Variants in EYS observed in about 807,000 individuals in gnomAD.
EYS encodes protein eyes shut homolog.
In EYS, 250 loss-of-function variants were observed where a neutral mutation model predicts 282.1. The ratio of observed to expected loss-of-function variants is 0.89; its 90% CI spans 0.80 to 0.98. EYS has a LOEUF of 0.98. Ranked by LOEUF, EYS falls within the 50% of genes least tolerant of loss-of-function variation. EYS has a pLI of 0.00. For synonymous variants in EYS, 1,355 were observed against 1,282.9 expected (o/e 1.06, Z -1.20); for missense variants, 4,016 against 3,709.0 (o/e 1.08, Z -2.15).
intron 12 of EYS, among the ~76,000 whole-genome samples, chr6:65,258,365 A>T (rs1195831754): frequency 4.6e-5 from 7 of 152,058 alleles, no homozygotes; most frequent in African/African-American, 1.2e-4. Flanking sequence ...TTTCCCTGTG[A>T]TATAGGTAAT....
intron 22 of EYS, among the ~76,000 whole-genome samples, chr6:64,715,505 G>A (rs1771358858): frequency 6.6e-6 from 1 of 152,214 alleles, no homozygotes; most frequent in South Asian, 2.1e-4. Flanking sequence ...GTGATCTCAA[G>A]AGGGTGATCC....
chr6:64,803,452 G>T (rs1409683772), intron 22 of EYS, among the ~76,000 whole-genome samples: 1 of 152,104 alleles, frequency 6.6e-6, no homozygotes, highest in Admixed American at 6.5e-5. Flanking sequence ...TCTGGAAAAA[G>T]CACCATGAGT....
intron 35 of EYS, among the ~76,000 whole-genome samples, chr6:63,899,686 A>C (rs149453058): frequency 6.6e-6 from 1 of 152,096 alleles, no homozygotes; most frequent in Non-Finnish European, 1.5e-5. Context: ...TCCAGGTAAC[A>C]TTTCTTTCTC....
At chr6:63,815,798 A>G (rs1771163559) in intron 36 of EYS, among the ~76,000 whole-genome samples, 1 of 152,224 alleles carries the variant, frequency 6.6e-6, no homozygotes, top group East Asian at 1.9e-4. Context: ...AGACACAGGC[A>G]CACACATGCA....
chr6:64,890,486 C>T (rs1205681898), intron 18 of EYS, among the ~76,000 whole-genome samples: 2 of 152,144 alleles, frequency 1.3e-5, no homozygotes, highest in African/African-American at 4.8e-5. Flanking sequence ...GTACGCTGTC[C>T]CTTTATTTCT....
At chr6:64,552,179 C>T (rs1765104545) in intron 26 of EYS, among the ~76,000 whole-genome samples, 1 of 152,186 alleles carries the variant, frequency 6.6e-6, no homozygotes, top group African/African-American at 2.4e-5. Context: ...TTAATTTGGG[C>T]ACAGCTGGCC....
At chr6:65,628,695 C>T (rs972144369) in intron 2 of EYS, among the ~76,000 whole-genome samples, 2 of 152,104 alleles carry the variant, frequency 1.3e-5, no homozygotes, top group African/African-American at 4.8e-5. Flanking sequence ...CAGCTTCACT[C>T]CTGAGCCAGC....
chr6:64,704,692 GT>G (rs775847028), intron 22 of EYS, among the ~76,000 whole-genome samples: 2 of 151,718 alleles, frequency 1.3e-5, no homozygotes, highest in African/African-American at 2.4e-5. Flanking sequence ...TTGGAGCTAT[GT>G]TTCATGAAAA....
chr6:64,304,279 T>C (rs1769352960), intron 30 of EYS, among the ~76,000 whole-genome samples: 1 of 152,128 alleles, frequency 6.6e-6, no homozygotes, highest in African/African-American at 2.4e-5. Flanking sequence ...TTACAGATTA[T>C]CAAAATATAT....
chr6:63,886,669 C>T lies in EYS; in HGVS notation c.7056-22311G>A, dbSNP rs947357263. On this transcript the variant is annotated intron_variant, in intron 35 of 42. Transcript: ENST00000503581. ...TCCTTATTGATGTCTTATAACACTT[C>T]GATCTATATACTGACCTTTTATTCT... Among the ~76,000 whole-genome samples, 7 of 152,062 alleles carry T rather than the reference C, an allele frequency of 4.6e-5. No homozygotes were observed. The East Asian group carries it at 9.6e-4, about 21-fold the overall frequency.
intron 30 of EYS, among the ~76,000 whole-genome samples, chr6:64,287,905 T>A (rs1768555960): frequency 6.6e-6 from 1 of 152,208 alleles, no homozygotes; most frequent in Admixed American, 6.5e-5. Context: ...CCCAAACACT[T>A]AGCAGGAATT....
At position 65,263,428 on chromosome 6, in the gene EYS, A is replaced by C. The variant is rs115465075; in HGVS notation, c.2023+32435T>G. On this transcript the variant is annotated intron_variant, in intron 12 of 42. Transcript: ENST00000503581. The stretch of plus-strand genomic sequence containing the variant: ...GTAAAATACCTGAAATCCTCACCAA[A>C]ATTCAGTAAAGTAATATGATAAAGT... Among the ~76,000 whole-genome samples the C allele has an allele frequency of 4.7e-3, 722 of 152,206 alleles. 7 individuals are homozygous for C. Among genetic ancestry groups the C allele is most frequent in the African/African-American group, 0.017 (688 of 41,540 alleles).
At chr6:64,766,694 A>C (rs1197914736) in intron 22 of EYS, among the ~76,000 whole-genome samples, 11 of 125,904 alleles carry the variant, frequency 8.7e-5, no homozygotes, top group African/African-American at 3.2e-4. Flanking sequence ...AAAATCTAAC[A>C]AATTGTTCAC....
At position 65,598,248 on chromosome 6, in the gene EYS, C is replaced by CCA. The variant is rs1491524268; in HGVS notation, c.-333+41529_-333+41530insTG. 1.2e-4 allele frequency among the ~76,000 whole-genome samples: 8 copies of CCA among 68,026 alleles called. 1 individual carries two copies. Among genetic ancestry groups the CCA allele is most frequent in the African/African-American group, 1.7e-4 (3 of 17,376 alleles). 44.6% of individuals were successfully genotyped at this position (68,026 alleles called of 152,430 possible). ...CCCTCCTCCCCACCCACCCCCCCCC[C>CCA]AAAAAAAAAAACAAAAACTTTTCTC... On this transcript the variant is annotated intron_variant, in intron 2 of 42. Coordinates refer to ENST00000503581, the MANE Select transcript of EYS (RefSeq NM_001142800.2).
intron 8 of EYS, among the ~76,000 whole-genome samples, chr6:65,378,367 T>C (rs556342973): frequency 1.2e-3 from 185 of 152,256 alleles, no homozygotes; most frequent in Admixed American, 1.8e-3. Flanking sequence ...ATGACGATCA[T>C]TAAATGTCAG....
chr6:64,206,961 C>G (rs1765626756), intron 31 of EYS, among the ~76,000 whole-genome samples: 1 of 152,022 alleles, frequency 6.6e-6, no homozygotes, highest in Non-Finnish European at 1.5e-5. Context: ...TTTCCTGATC[C>G]TCTCCTTCCT....
chr6:64,508,392 C>T (rs1224831679), intron 26 of EYS, among the ~76,000 whole-genome samples: 1 of 151,830 alleles, frequency 6.6e-6, no homozygotes, highest in African/African-American at 2.4e-5. Context: ...GTTCTTTTCA[C>T]AATGTTAAAT....
chr6:63,780,258 T>C (rs1770181835), intron 39 of EYS, among the ~76,000 whole-genome samples: 1 of 152,234 alleles, frequency 6.6e-6, no homozygotes, highest in African/African-American at 2.4e-5. Context: ...TTTAGGTATA[T>C]GCCCAGTAAT....
At chr6:64,967,622 T>C (rs1010951572) in intron 14 of EYS, among the ~76,000 whole-genome samples, 1 of 152,074 alleles carries the variant, frequency 6.6e-6, no homozygotes, top group Non-Finnish European at 1.5e-5. Context: ...CCGGCCTCCA[T>C]TGTCTTTCTT....
Sources: allele counts gnomAD v4.1 joint callset (sites outside exome capture counted in the v4.1 genomes callset), GRCh38; gene constraint gnomAD v4.1.1; transcripts MANE v1.5; gene names NCBI Gene and HGNC (gene_info 2026-07-23, HGNC 2026-07-21).